The following ARB2A variants were observed in gnomAD, a reference collection of about 807,000 sequenced individuals.
The protein encoded by ARB2A is cotranscriptional regulator ARB2A.
the ARB2A span, chr5:94,055,565 AG>A: frequency 1.1e-6 from 1 of 893,830 alleles, no homozygotes. Context: ...ATAAAAAAAA[AG>A]TTTGTACACT....
the ARB2A span, among the ~76,000 whole-genome samples, chr5:94,103,936 A>C: frequency 6.6e-6 from 1 of 152,022 alleles, no homozygotes; most frequent in African/African-American, 2.4e-5. Context: ...TTAAGACAGA[A>C]TTCAATAAAT....
chr5:93,693,019 A>C, the ARB2A span, among the ~76,000 whole-genome samples: 2 of 152,230 alleles, frequency 1.3e-5, no homozygotes, highest in African/African-American at 4.8e-5. Context: ...ACAAAGACAC[A>C]ATGTACCAGA....
chr5:93,700,360 T>C, the ARB2A span, among the ~76,000 whole-genome samples: 2 of 152,096 alleles, frequency 1.3e-5, no homozygotes, highest in Non-Finnish European at 2.9e-5. Context: ...GCTTAACTGA[T>C]GGGGAGACAT....
At chr5:94,025,584 C>CTAGA in the ARB2A span, among the ~76,000 whole-genome samples, 16,135 of 152,152 alleles carry the variant, frequency 0.11, 972 homozygotes, top group Middle Eastern at 0.16. Context: ...AGTTAAGAGA[C>CTAGA]TAAAGACCTA....
At chr5:93,889,007 C>A in the ARB2A span, among the ~76,000 whole-genome samples, 1 of 151,618 alleles carries the variant, frequency 6.6e-6, no homozygotes, top group Non-Finnish European at 1.5e-5. Flanking sequence ...AGTCACTTTT[C>A]ATTTTAAGAT....
chr5:93,753,269 A>T, the ARB2A span, among the ~76,000 whole-genome samples: 1 of 152,234 alleles, frequency 6.6e-6, no homozygotes, highest in Non-Finnish European at 1.5e-5. Flanking sequence ...GAAGGAAGTG[A>T]TTATTCACTA....
At chr5:94,012,613 T>C in the ARB2A span, among the ~76,000 whole-genome samples, 2 of 152,186 alleles carry the variant, frequency 1.3e-5, no homozygotes, top group Non-Finnish European at 2.9e-5. Context: ...CTCAGTCAAC[T>C]GCCAGGTACA....
the ARB2A span, among the ~76,000 whole-genome samples, chr5:93,773,434 G>A: frequency 2.6e-5 from 4 of 152,178 alleles, no homozygotes; most frequent in Non-Finnish European, 2.9e-5. Context: ...GTACCTGTAA[G>A]TAGTTTCTGT....
chr5:93,664,379 T>C, the ARB2A span, among the ~76,000 whole-genome samples: 1 of 152,084 alleles, frequency 6.6e-6, no homozygotes, highest in African/African-American at 2.4e-5. Context: ...TTTTTAAGTA[T>C]GTTAGAGGCC....
At chr5:94,016,436 G>A in the ARB2A span, among the ~76,000 whole-genome samples, 1 of 152,176 alleles carries the variant, frequency 6.6e-6, no homozygotes, top group Non-Finnish European at 1.5e-5. Flanking sequence ...AGTCACAAAT[G>A]GATATAAATA....
At chr5:93,627,003 A>T in the ARB2A span, among the ~76,000 whole-genome samples, 2 of 152,212 alleles carry the variant, frequency 1.3e-5, no homozygotes, top group Non-Finnish European at 2.9e-5. Flanking sequence ...TGCAATATTC[A>T]AAATTCTTTG....
the ARB2A span, among the ~76,000 whole-genome samples, chr5:93,966,138 T>C: frequency 3.9e-5 from 6 of 152,182 alleles, no homozygotes; most frequent in East Asian, 1.2e-3. Flanking sequence ...AAGTTATATA[T>C]TATGACCTGC....
chr5:93,882,104 A>AT, the ARB2A span, among the ~76,000 whole-genome samples: 2 of 151,364 alleles, frequency 1.3e-5, no homozygotes, highest in African/African-American at 2.4e-5. Context: ...TTCAAACTAC[A>AT]TTTTTTTGTA....
chr5:93,771,892 G>A, the ARB2A span, among the ~76,000 whole-genome samples: 1 of 152,256 alleles, frequency 6.6e-6, no homozygotes, highest in African/African-American at 2.4e-5. Flanking sequence ...GTGGAAGTCA[G>A]TGTGGTGATT....
the ARB2A span, among the ~76,000 whole-genome samples, chr5:94,065,898 T>C: frequency 6.6e-6 from 1 of 152,158 alleles, no homozygotes; most frequent in East Asian, 1.9e-4. Flanking sequence ...TTACAGAACA[T>C]TTCATCCAAG....
At chr5:93,766,177 A>T in the ARB2A span, among the ~76,000 whole-genome samples, 1 of 152,172 alleles carries the variant, frequency 6.6e-6, no homozygotes, top group Admixed American at 6.5e-5. Context: ...CAAAAGCCAA[A>T]ATCGACAAAT....
chr5:93,644,327 T>C, the ARB2A span, among the ~76,000 whole-genome samples: 2 of 152,198 alleles, frequency 1.3e-5, no homozygotes, highest in Non-Finnish European at 2.9e-5. Flanking sequence ...AATGGGAAAA[T>C]AATATACCAC....
At chr5:93,983,730 T>C in the ARB2A span, among the ~76,000 whole-genome samples, 3 of 152,224 alleles carry the variant, frequency 2.0e-5, no homozygotes, top group African/African-American at 7.2e-5. Context: ...TCACCAATAC[T>C]GGAACAGGTC....
At chr5:93,651,221 G>A in the ARB2A span, among the ~76,000 whole-genome samples, 2 of 151,472 alleles carry the variant, frequency 1.3e-5, no homozygotes, top group African/African-American at 4.9e-5. Flanking sequence ...ACACAGCCTT[G>A]GACTCCTGGG....
Sources: allele counts gnomAD v4.1 joint callset (sites outside exome capture counted in the v4.1 genomes callset), GRCh38; gene constraint gnomAD v4.1.1; transcripts MANE v1.5; gene names NCBI Gene and HGNC (gene_info 2026-07-23, HGNC 2026-07-21).